The following FBXL14 variants were observed in gnomAD, a reference collection of about 807,000 sequenced individuals.
FBXL14 encodes F-box/LRR-repeat protein 14.
A neutral mutation model predicts 24.5 loss-of-function variants in FBXL14; 11 were observed. The observed-to-expected ratio is 0.45, with a 90% CI of 0.28 to 0.74. FBXL14 has a LOEUF of 0.74. FBXL14 is among the 30% of genes least tolerant of loss of function. The pLI is 0.12. For missense variants in FBXL14, 384 were observed against 545.6 expected (o/e 0.70, Z 2.95); for synonymous variants, 294 against 240.4 (o/e 1.22, Z -2.06).
rs1208165479 is a variant in FBXL14 at position 1,593,995 on chromosome 12, G to C, written c.72C>G (p.Asp24Glu). ...AMIFGYLDVR[D>E]KGRAAQVCTA... Reference sequence around the variant, plus strand: ...TGCACACCTGCGCCGCGCGCCCCTTGTCCCGGACGTCCAGGTAGCCGAAGA... The same window carrying C: ...TGCACACCTGCGCCGCGCGCCCCTTCTCCCGGACGTCCAGGTAGCCGAAGA... Residue 24 changes from aspartate to glutamate, a missense_variant, in exon 1 of 2, where the codon GAC (aspartate) becomes GAG (glutamate). Transcript: ENST00000339235. The surrounding 1 kb of genome is among the most constrained non-coding windows in gnomAD (Gnocchi z 7.4). The C allele has an allele frequency of 1.3e-6, 2 of 1,582,888 alleles. No homozygotes were observed. Among genetic ancestry groups the C allele is most frequent in the South Asian group, 1.1e-5 (1 of 88,888 alleles).
chr12:1,593,088 G>C lies in FBXL14; in HGVS notation c.979C>G (p.Arg327Gly). 6.2e-7 allele frequency: 1 copy of C among 1,613,200 alleles called. No individual in the cohort carries two copies. The change falls in exon 1 of 2, where the codon CGG (arginine) becomes GGG (glycine). Residue 327 changes from arginine to glycine, a missense_variant. By Grantham distance (125) the Arg-to-Gly change is moderately radical. Transcript: ENST00000339235. This position sits in a 1 kb window ranked among gnomAD's most constrained non-coding sequence, Gnocchi z 7.4. ...AGCGTGCGCAGCCCGTGCATCTGCC[G>C]CACCATGCGGTTGATGCCATCATCA... ...ISDDGINRMV[R>G]QMHGLRTLNI...
chr12:1,583,077 A>C (rs540168176), intron 1 of FBXL14, among the ~76,000 whole-genome samples: 19 of 152,230 alleles, frequency 1.2e-4, no homozygotes, highest in African/African-American at 4.1e-4. Flanking sequence ...ATATTTTATG[A>C]AGATGTCTTC....
chr12:1,592,938 T>C lies in FBXL14; in HGVS notation c.1129A>G (p.Ile377Val), dbSNP rs547926021. 3.1e-6 allele frequency: 5 copies of C among 1,611,332 alleles called. No homozygotes were observed. Among genetic ancestry groups the C allele is most frequent in the East Asian group, 2.2e-5 (1 of 44,786 alleles). ...TRITKRGLER[I>V]TQLPCLKVLN... ...ACCTTGAGGCACGGCAGCTGCGTGATGCGCTCCAGGCCGCGCTTGGTGATT... is the reference window on the plus strand; with the variant it reads ...ACCTTGAGGCACGGCAGCTGCGTGACGCGCTCCAGGCCGCGCTTGGTGATT... Residue 377 changes from isoleucine (I) to valine (V), a missense_variant, in exon 1 of 2, where the codon ATC becomes GTC. Ile to Val is a conservative substitution (Grantham distance 29). Transcript: ENST00000339235.
intron 1 of FBXL14, among the ~76,000 whole-genome samples, chr12:1,578,597 C>T (rs1049911819): frequency 6.6e-6 from 1 of 152,122 alleles, no homozygotes; most frequent in African/African-American, 2.4e-5. Flanking sequence ...CGAGATCGCG[C>T]CACTGCACTC....
At position 1,567,887 on chromosome 12, in the gene FBXL14, G is replaced by A. The variant is rs531087721; in HGVS notation, c.1195-1077C>T. On this transcript the variant is annotated intron_variant, in intron 1 of 1. Coordinates refer to ENST00000339235, the MANE Select transcript of FBXL14 (RefSeq NM_152441.3). This position sits in a 1 kb window ranked among gnomAD's most constrained non-coding sequence, Gnocchi z 4.8. Reference sequence around the variant, plus strand: ...AAAGAAAACCCACCCACACGCACACGCGCGCACACACGTGCGCACACACAC... The same window carrying A: ...AAAGAAAACCCACCCACACGCACACACGCGCACACACGTGCGCACACACAC... 1.1e-3 allele frequency among the ~76,000 whole-genome samples: 172 copies of A among 152,276 alleles called. No individual in the cohort carries two copies. The highest frequency in any genetic ancestry group is 1.7e-3 in the Non-Finnish European group (116 of 67,994).
At chr12:1,574,421 T>C (rs2094451576) in intron 1 of FBXL14, among the ~76,000 whole-genome samples, 2 of 20,688 alleles carry the variant, frequency 9.7e-5, no homozygotes, top group Non-Finnish European at 1.9e-4. Context: ...GGCAGTGGTG[T>C]GGGTGGAGCC....
intron 1 of FBXL14, among the ~76,000 whole-genome samples, chr12:1,576,280 C>G (rs138430901): frequency 1.3e-5 from 2 of 152,232 alleles, no homozygotes; most frequent in East Asian, 3.9e-4. Context: ...GTGGCAGTGC[C>G]CGTGGTGGGG....
intron 1 of FBXL14, 137 bp downstream of exon 1, chr12:1,592,736 G>A (rs2154438423): frequency 2.6e-6 from 2 of 760,142 alleles, no homozygotes; most frequent in Admixed American, 6.8e-5. Context: ...AAACGAGCCT[G>A]AGGCTTCTGT....
rs779083543 is a variant in FBXL14, at chr12:1,566,732, C to T, written c.*16G>A. On this transcript the variant is annotated 3_prime_UTR_variant, in exon 2 of 2. Transcript: ENST00000339235. ...AGTTAAAGATCCACGGGAACCATGT[C>T]GTTGTCCCCTCTCCCTCACCTTCTG... 1.3e-5 allele frequency: 10 copies of T among 780,906 alleles called. No homozygotes were observed. The highest frequency in any genetic ancestry group is 1.7e-5 in the Admixed American group (1 of 59,026). 48.4% of individuals were successfully genotyped at this position (780,906 alleles called of 1,614,324 possible).
At chr12:1,582,331 TCC>T (rs761889060) in intron 1 of FBXL14, among the ~76,000 whole-genome samples, 47 of 152,132 alleles carry the variant, frequency 3.1e-4, no homozygotes, top group Non-Finnish European at 5.1e-4. Flanking sequence ...TCCCAGTTCT[TCC>T]GAGGAGCAGC....
intron 1 of FBXL14, among the ~76,000 whole-genome samples, chr12:1,571,354 A>G (rs961731891): frequency 6.6e-6 from 1 of 152,094 alleles, no homozygotes; most frequent in African/African-American, 2.4e-5. Context: ...GATTACAGGC[A>G]TGCGCCACCA....
In FBXL14 at chr12:1,594,079, C is replaced by G. The variant is rs747744647; in HGVS notation, c.-13G>C. 32 of 1,430,948 alleles carry G rather than the reference C, an allele frequency of 2.2e-5. No individual in the cohort carries two copies. The highest frequency in any genetic ancestry group is 1.0e-5 in the Non-Finnish European group (11 of 1,099,110). The allele number at this position is 1,430,948 out of a possible 1,614,324, so 88.6% of individuals were successfully genotyped here. ...TGTGGGTCTCCATCTTCCTCCTCCC[C>G]CCTCCGCGGCGCTGGGGGGAGGAGG... On this transcript the variant is annotated 5_prime_UTR_variant, in exon 1 of 2. Transcript: ENST00000339235.
chr12:1,574,913 A>ATTTTTT (rs1565583486), intron 1 of FBXL14: 74 of 144,154 alleles, frequency 5.1e-4, no homozygotes, highest in African/African-American at 1.8e-3. Flanking sequence ...TTTTTTTAAA[A>ATTTTTT]AAAAAAATTA....
chr12:1,594,409 GCCGCGCCGCTCCGC>G lies in FBXL14; in HGVS notation c.-357_-344del, dbSNP rs965674516. ...TCGGCTCTACCCACGCCGCGCCCGG[GCCGCGCCGCTCCGC>G]CCGCGCCGCCGCGCCCACGCCCCCT... On this transcript the variant is annotated 5_prime_UTR_variant, in exon 1 of 2. The change abolishes the stop of an existing upstream ORF in the 5' untranslated region. Coordinates refer to ENST00000339235, the MANE Select transcript of FBXL14 (RefSeq NM_152441.3). 3.5e-5 allele frequency among the ~76,000 whole-genome samples: 5 copies of G among 144,778 alleles called. No homozygotes were observed. The highest frequency in any genetic ancestry group is 1.2e-4 in the African/African-American group (5 of 40,434). The allele number at this position is 144,778 out of a possible 152,430, so 95.0% of individuals were successfully genotyped here.
intron 1 of FBXL14, among the ~76,000 whole-genome samples, chr12:1,584,807 C>T (rs561252025): frequency 6.6e-6 from 1 of 152,322 alleles, no homozygotes; most frequent in South Asian, 2.1e-4. Flanking sequence ...GCTTAAGACA[C>T]ACGTACTGGC....
chr12:1,568,589 T>C (rs1169869163), intron 1 of FBXL14, among the ~76,000 whole-genome samples: 4 of 152,138 alleles, frequency 2.6e-5, no homozygotes, highest in Non-Finnish European at 5.9e-5. Context: ...AGATATATAC[T>C]TATGTGTAAG....
At chr12:1,578,724 A>C (rs142537331) in intron 1 of FBXL14, among the ~76,000 whole-genome samples, 2 of 152,136 alleles carry the variant, frequency 1.3e-5, no homozygotes, top group Non-Finnish European at 2.9e-5. Context: ...GAAGACTAAA[A>C]TAACGATGAT....
chr12:1,590,603 C>A (rs1335108738), intron 1 of FBXL14, among the ~76,000 whole-genome samples: 1 of 152,182 alleles, frequency 6.6e-6, no homozygotes, highest in African/African-American at 2.4e-5. Context: ...TCTGGTATTT[C>A]ATTAATCTGC....
chr12:1,583,911 G>C (rs994060299), intron 1 of FBXL14, among the ~76,000 whole-genome samples: 9 of 152,188 alleles, frequency 5.9e-5, no homozygotes, highest in African/African-American at 2.2e-4. Context: ...GGTAAATTGT[G>C]TGTAAGAGGG....
Sources: gnomAD v4.1 joint callset for allele counts (sites outside exome capture counted in the v4.1 genomes callset) on GRCh38, gnomAD v4.1.1 for gene constraint, Gnocchi (gnomAD v3.1) non-coding constraint, MANE v1.5 for transcripts, NCBI Gene and HGNC (gene_info 2026-07-23, HGNC 2026-07-21) for gene names.